Variants in TSNARE1 observed in about 807,000 individuals in gnomAD.
TSNARE1 encodes t-SNARE domain-containing protein 1.
TSNARE1 carries 49 observed loss-of-function variants against 62.0 expected under a neutral mutation model. The observed-to-expected ratio is 0.79, with a 90% CI of 0.63 to 1.00. The LOEUF is 1.00. TSNARE1 is among the 50% of genes least tolerant of loss of function. The probability of loss-of-function intolerance (pLI) is 0.00; values close to 1 mark genes in which losing one functional copy is unlikely to be tolerated. For missense variants in TSNARE1, 755 were observed against 700.1 expected, an observed-to-expected ratio of 1.08 and a Z score of -0.88; for synonymous variants, 328 against 294.4, an observed-to-expected ratio of 1.11 and a Z score of -1.17.
chr8:142,239,430 C>G (rs535741817), intron 12 of TSNARE1, among the ~76,000 whole-genome samples: 1 of 152,160 alleles, frequency 6.6e-6, no homozygotes, highest in East Asian at 1.9e-4. Context: ...GTTTAAAGGT[C>G]CATGCATTAT....
rs865973901 is a variant in TSNARE1, at chr8:142,403,048, C to T, written c.-40+56G>A. ...CGCGCTGGTCCCCGGCCGCCTCGCCCTCGCCGCCCCACGCCCGGCCCCGGC... is the reference window on the plus strand; with the variant it reads ...CGCGCTGGTCCCCGGCCGCCTCGCCTTCGCCGCCCCACGCCCGGCCCCGGC... On this transcript the variant is annotated intron_variant, in intron 1 of 13. Coordinates refer to ENST00000524325, the MANE Select transcript of TSNARE1 (RefSeq NM_145003.5). The T allele has an allele frequency of 2.7e-5, 4 of 148,242 alleles. No homozygotes were observed. The South Asian group carries it at 7.1e-4, about 26-fold the overall frequency. The allele number at this position is 148,242 out of a possible 1,614,324, so 9.2% of individuals were successfully genotyped here.
At chr8:142,223,137 TTCAC>T (rs1422382282) in intron 13 of TSNARE1, among the ~76,000 whole-genome samples, 2 of 20,892 alleles carry the variant, frequency 9.6e-5, no homozygotes, top group African/African-American at 1.3e-4. Flanking sequence ...CATTCACTCA[TTCAC>T]TCATCCACTC....
In TSNARE1 at chr8:142,241,927, C is replaced by T. The variant is rs566732405; in HGVS notation, c.1447-12348G>A. On this transcript the variant is annotated intron_variant, in intron 12 of 13. Transcript: ENST00000524325. ...GATCTCCATCTCACGCCATATACAA[C>T]AATCAACTCAAAATGGCTGGAAGAC... 8.8e-5 allele frequency among the ~76,000 whole-genome samples: 13 copies of T among 148,068 alleles called. 2 individuals are homozygous for T. In the South Asian group the frequency reaches 1.1e-3, roughly 12 times the overall value.
chr8:142,256,313 TCACCACCA>T (rs1563782623), intron 12 of TSNARE1, among the ~76,000 whole-genome samples: 15 of 23,420 alleles, frequency 6.4e-4, no homozygotes, highest in East Asian at 1.3e-3. Context: ...ACCACCATCA[TCACCACCA>T]TCACCATCTT....
intron 13 of TSNARE1, among the ~76,000 whole-genome samples, chr8:142,217,603 T>C (rs998783906): frequency 1.4e-5 from 2 of 139,798 alleles, no homozygotes; most frequent in Admixed American, 1.4e-4. Context: ...TACGTCAGCA[T>C]CAACTTTTTG....
chr8:142,230,963 CCAT>C (rs1817085599), intron 12 of TSNARE1, among the ~76,000 whole-genome samples: 3 of 37,806 alleles, frequency 7.9e-5, no homozygotes, highest in African/African-American at 5.0e-4. Context: ...CATCATCCAA[CCAT>C]CCATCCATCC....
rs373948176 is a variant in TSNARE1 at position 142,300,687 on chromosome 8, T to C, written c.1132-43A>G. The stretch of plus-strand genomic sequence containing the variant: ...ATCTTGTTAGCACTGACCCCTCCCA[T>C]TACCACCACAACCCAGGCCCAGAAA... On this transcript the variant is annotated intron_variant, in intron 9 of 13. Transcript: ENST00000524325. 1.8e-5 allele frequency: 29 copies of C among 1,578,570 alleles called. No homozygotes were observed. The African/African-American group carries it at 2.8e-4, about 15-fold the overall frequency.
intron 9 of TSNARE1, among the ~76,000 whole-genome samples, chr8:142,313,406 TTA>T (rs1056497479): frequency 2.1e-5 from 3 of 140,752 alleles, no homozygotes; most frequent in South Asian, 4.7e-4. Flanking sequence ...GTGTCTGTGT[TTA>T]TGTGTCTGTG....
chr8:142,322,598 T>C (rs1246113399), intron 6 of TSNARE1, among the ~76,000 whole-genome samples: 1 of 152,194 alleles, frequency 6.6e-6, no homozygotes, highest in Admixed American at 6.5e-5. Flanking sequence ...TACACAGAAG[T>C]CTCTTATATT....
In TSNARE1 at chr8:142,319,106, C is replaced by T. The variant is rs1043994889; in HGVS notation, c.894-472G>A. ...GCTGGGGTGGGTGGCCCAGCCAGAA[C>T]AGTGGCAGCCGGGCCCCACCAATCG... is the stretch of plus-strand genomic sequence containing the variant. On this transcript the variant is annotated intron_variant, in intron 6 of 13. Coordinates refer to ENST00000524325, the MANE Select transcript of TSNARE1 (RefSeq NM_145003.5). This position sits in a 1 kb window ranked among gnomAD's most constrained non-coding sequence, Gnocchi z 4.9. Among the ~76,000 whole-genome samples, 1 of 152,030 alleles carries T rather than the reference C, an allele frequency of 6.6e-6. No homozygotes were observed. Among genetic ancestry groups the T allele is most frequent in the East Asian group, 1.9e-4 (1 of 5,136 alleles).
chr8:142,235,188 A>G (rs1035868789), intron 12 of TSNARE1, among the ~76,000 whole-genome samples: 1 of 150,778 alleles, frequency 6.6e-6, no homozygotes, highest in African/African-American at 2.4e-5. Context: ...GACGTGACTC[A>G]CCCAGGATAC....
chr8:142,311,855 A>C (rs1200020180), intron 9 of TSNARE1, among the ~76,000 whole-genome samples: 1 of 152,084 alleles, frequency 6.6e-6, no homozygotes, highest in Non-Finnish European at 1.5e-5. Flanking sequence ...GTCTATGTGG[A>C]GATTTAGCTA....
intron 12 of TSNARE1, chr8:142,273,621 C>G: frequency 1.0e-6 from 1 of 985,394 alleles, no homozygotes; most frequent in Non-Finnish European, 1.2e-6. Flanking sequence ...GTGACCTGAA[C>G]CTTCTGAGTC....
intron 7 of TSNARE1, among the ~76,000 whole-genome samples, chr8:142,317,078 C>A (rs769490449): frequency 6.6e-6 from 1 of 151,816 alleles, no homozygotes; most frequent in African/African-American, 2.4e-5. Context: ...ACACATGAAG[C>A]GGGTATGGCC....
intron 1 of TSNARE1, among the ~76,000 whole-genome samples, chr8:142,355,192 A>G (rs942339451): frequency 6.6e-6 from 1 of 152,196 alleles, no homozygotes; most frequent in Non-Finnish European, 1.5e-5. Flanking sequence ...CCCGGCACCC[A>G]TGCAGCCTGC....
chr8:142,268,714 A>ATC (rs1452567522), intron 12 of TSNARE1, among the ~76,000 whole-genome samples: 3 of 152,302 alleles, frequency 2.0e-5, no homozygotes, highest in Non-Finnish European at 2.9e-5. Context: ...ATCTCCTTCA[A>ATC]GGGAGGGTGT....
chr8:142,367,592 T>C (rs1835647629), intron 1 of TSNARE1, among the ~76,000 whole-genome samples: 1 of 152,238 alleles, frequency 6.6e-6, no homozygotes, highest in African/African-American at 2.4e-5. Context: ...GATGGAGATA[T>C]TCTGGCATTT....
intron 11 of TSNARE1, 60 bp from the exon 12 acceptor site, chr8:142,274,923 G>T: frequency 6.9e-7 from 1 of 1,439,962 alleles, no homozygotes; most frequent in Non-Finnish European, 9.2e-7. Context: ...CCCGCCCTGA[G>T]GACACCCCCC....
In TSNARE1 at chr8:142,343,779, A is replaced by AGGAGGG. The variant is rs1832926990; in HGVS notation, c.745+186_745+187insCCCTCC. ...GGGGGGAGGAGGGGAGAAGAGGAGG[A>AGGAGGG]GGAGGAGGAGGAGGAGGGGGAGGAG... On this transcript the variant is annotated intron_variant, in intron 4 of 13. Coordinates refer to ENST00000524325, the MANE Select transcript of TSNARE1 (RefSeq NM_145003.5). 2.4e-4 allele frequency among the ~76,000 whole-genome samples: 12 copies of AGGAGGG among 49,258 alleles called. 1 individual carries two copies. In the African/African-American group the frequency reaches 2.9e-3, roughly 12 times the overall value. The allele number at this position is 49,258 out of a possible 152,430, so 32.3% of individuals were successfully genotyped here. A position where few individuals can be genotyped will look rare whatever the true frequency, so the allele number is the denominator to read the frequency against.
Sources: gnomAD v4.1 joint callset for allele counts (sites outside exome capture counted in the v4.1 genomes callset) on GRCh38, gnomAD v4.1.1 for gene constraint, Gnocchi (gnomAD v3.1) non-coding constraint, MANE v1.5 for transcripts, NCBI Gene and HGNC (gene_info 2026-07-23, HGNC 2026-07-21) for gene names.